The following SHISA9 variants were observed in gnomAD, a reference collection of about 807,000 sequenced individuals.
The protein encoded by SHISA9 is shisa family member 9.
A neutral mutation model predicts 38.0 loss-of-function variants in SHISA9; 13 were observed. The observed-to-expected ratio is 0.34, with a 90% CI of 0.22 to 0.54. The LOEUF (loss-of-function observed/expected upper bound fraction) is 0.54, where lower values mean the gene tolerates loss of function less well. Among genes scored for constraint, SHISA9 ranks in the 20% least tolerant of loss-of-function variants. The pLI, the probability that SHISA9 is intolerant of heterozygous loss-of-function variation, is 0.91. For missense variants in SHISA9, 538 were observed against 575.8 expected (o/e 0.93, Z 0.67); for synonymous variants, 275 against 242.0 (o/e 1.14, Z -1.27).
At chr16:13,055,656 T>A (rs2073301952) in intron 2 of SHISA9, among the ~76,000 whole-genome samples, 1 of 152,014 alleles carries the variant, frequency 6.6e-6, no homozygotes, top group African/African-American at 2.4e-5. Context: ...AATTCTAAAT[T>A]CTCCCTCCAT....
chr16:13,383,321 G>T, the SHISA9 span, among the ~76,000 whole-genome samples: 59 of 152,312 alleles, frequency 3.9e-4, no homozygotes, highest in Non-Finnish European at 8.1e-4. Flanking sequence ...AGGCAGGAGT[G>T]TGTGTAAAAT....
intron 2 of SHISA9, among the ~76,000 whole-genome samples, chr16:13,148,185 C>G (rs1428564754): frequency 6.6e-6 from 1 of 152,134 alleles, no homozygotes; most frequent in Non-Finnish European, 1.5e-5. Flanking sequence ...TGGTGCATCA[C>G]CCCTGCACAT....
chr16:12,948,188 A>G (rs574861616), intron 2 of SHISA9, among the ~76,000 whole-genome samples: 2 of 152,342 alleles, frequency 1.3e-5, no homozygotes, highest in Admixed American at 6.5e-5. Context: ...ATTGAAGTTT[A>G]GAGATGTCTA....
the SHISA9 span, among the ~76,000 whole-genome samples, chr16:13,288,862 G>C: frequency 6.6e-6 from 1 of 152,154 alleles, no homozygotes; most frequent in East Asian, 1.9e-4. Context: ...TGTTGGACTA[G>C]GGAACTCATT....
the SHISA9 span, among the ~76,000 whole-genome samples, chr16:13,252,917 T>C: frequency 6.6e-6 from 1 of 152,128 alleles, no homozygotes; most frequent in African/African-American, 2.4e-5. Context: ...CCATTTATAC[T>C]TGCATTTTCT....
chr16:13,299,670 A>G, the SHISA9 span, among the ~76,000 whole-genome samples: 2,039 of 148,058 alleles, frequency 0.014, 42 homozygotes, highest in African/African-American at 0.048. Context: ...CAGAGATTGC[A>G]CCCCTGCACT....
At chr16:13,024,348 C>T (rs1252283543) in intron 2 of SHISA9, among the ~76,000 whole-genome samples, 1 of 152,234 alleles carries the variant, frequency 6.6e-6, no homozygotes, top group Non-Finnish European at 1.5e-5. Flanking sequence ...CTGGTGCTCA[C>T]CTGCCTGCCT....
the SHISA9 span, among the ~76,000 whole-genome samples, chr16:13,356,353 A>G: frequency 1.3e-5 from 2 of 152,178 alleles, no homozygotes; most frequent in African/African-American, 4.8e-5. Context: ...CAAACAAGTC[A>G]TGAACTGGGC....
chr16:12,931,074 A>G (rs1433167940), intron 2 of SHISA9, among the ~76,000 whole-genome samples: 1 of 152,140 alleles, frequency 6.6e-6, no homozygotes, highest in Non-Finnish European at 1.5e-5. Flanking sequence ...AGAACAAAAG[A>G]TGCAGTCTCT....
chr16:12,916,422 C>G (rs2071257725), intron 1 of SHISA9, among the ~76,000 whole-genome samples: 1 of 152,068 alleles, frequency 6.6e-6, no homozygotes, highest in East Asian at 1.9e-4. Context: ...TCATTTAATC[C>G]TCTTAAAAAC....
intron 2 of SHISA9, among the ~76,000 whole-genome samples, chr16:12,922,677 AC>A (rs1307981771): frequency 2.0e-5 from 3 of 151,868 alleles, no homozygotes; most frequent in Non-Finnish European, 4.4e-5. Flanking sequence ...ATGCCACCAC[AC>A]CCGGTTGATT....
At chr16:12,950,928 T>TA (rs1567350116) in intron 2 of SHISA9, among the ~76,000 whole-genome samples, 4 of 140,568 alleles carry the variant, frequency 2.8e-5, no homozygotes, top group African/African-American at 1.0e-4. Flanking sequence ...TTTTTTTTTT[T>TA]TAAATGTGGC....
the SHISA9 span, among the ~76,000 whole-genome samples, chr16:13,318,667 C>A: frequency 6.6e-6 from 1 of 152,142 alleles, no homozygotes; most frequent in Non-Finnish European, 1.5e-5. Context: ...TTGCTCCCAG[C>A]TGAGGACCAC....
the SHISA9 span, among the ~76,000 whole-genome samples, chr16:13,459,098 C>T: frequency 1.9e-4 from 29 of 152,086 alleles, no homozygotes; most frequent in African/African-American, 6.5e-4. Context: ...AGGTGAGCCA[C>T]CCACCTCGGC....
chr16:13,090,586 G>T (rs1318694711), intron 2 of SHISA9, among the ~76,000 whole-genome samples: 3 of 152,198 alleles, frequency 2.0e-5, no homozygotes, highest in South Asian at 2.1e-4. Context: ...GATCTTTGTT[G>T]GTTTAAAGTC....
chr16:13,282,916 T>A, the SHISA9 span, among the ~76,000 whole-genome samples: 4 of 152,302 alleles, frequency 2.6e-5, no homozygotes, highest in African/African-American at 7.2e-5. Flanking sequence ...TAGGTTTTTT[T>A]AAATATCATT....
At chr16:12,924,691 T>C (rs2071371646) in intron 2 of SHISA9, among the ~76,000 whole-genome samples, 1 of 152,152 alleles carries the variant, frequency 6.6e-6, no homozygotes, top group African/African-American at 2.4e-5. Context: ...GTTTGATTGT[T>C]TTAGATCAAG....
At chr16:13,082,785 G>T (rs1050778041) in intron 2 of SHISA9, among the ~76,000 whole-genome samples, 1 of 152,178 alleles carries the variant, frequency 6.6e-6, no homozygotes, top group Admixed American at 6.5e-5. Flanking sequence ...TGGGTGGGGG[G>T]CTGAAGTCTC....
At chr16:12,929,144 T>C (rs976153303) in intron 2 of SHISA9, among the ~76,000 whole-genome samples, 2 of 152,172 alleles carry the variant, frequency 1.3e-5, no homozygotes, top group Admixed American at 1.3e-4. Context: ...GAATAACAGA[T>C]GCTGGCGAGG....
Sources: gnomAD v4.1 joint callset for allele counts (sites outside exome capture counted in the v4.1 genomes callset) on GRCh38, gnomAD v4.1.1 for gene constraint, MANE v1.5 for transcripts, NCBI Gene and HGNC (gene_info 2026-07-23, HGNC 2026-07-21) for gene names.